Variants in IFT20 observed in about 807,000 individuals in gnomAD.
The protein encoded by IFT20 is intraflagellar transport protein 20 homolog.
IFT20 carries 4 observed loss-of-function variants against 16.9 expected under a neutral mutation model. The ratio of observed to expected loss-of-function variants is 0.24; its 90% confidence interval spans 0.12 to 0.54. The LOEUF (loss-of-function observed/expected upper bound fraction) is 0.54. Ranked by LOEUF, IFT20 falls within the 20% of genes least tolerant of loss-of-function variation. IFT20 has a pLI of 0.95. For missense variants in IFT20, 154 were observed against 149.7 expected (o/e 1.03, Z -0.15); for synonymous variants, 48 against 49.9 (o/e 0.96, Z 0.16).
At chr17:28,330,354 C>G in intron 3 of IFT20, 89 bp downstream of exon 3, 1 of 932,242 alleles carries the variant, frequency 1.1e-6, no homozygotes, top group South Asian at 1.3e-5. Context: ...CCCTCTACCC[C>G]TCTAAATAAA....
rs1597783652 is a variant in IFT20 at position 28,328,939 on chromosome 17, C to A, written c.318-206G>T. 6 of 617,684 alleles carry A rather than the reference C, an allele frequency of 9.7e-6. No individual in the cohort carries two copies. The South Asian group carries it at 1.3e-4, about 13-fold the overall frequency. 38.3% of individuals were successfully genotyped at this position (617,684 alleles called of 1,614,324 possible). ...AGTCTTCTTTCAGAGAGCCAGCCAA[C>A]TTCGTGGACCCTTTCATGCTCAAAC... is the stretch of plus-strand genomic sequence containing the variant. On this transcript the variant is annotated intron_variant, in intron 4 of 4. Coordinates refer to ENST00000395418, the MANE Select transcript of IFT20 (RefSeq NM_001267776.2).
At chr17:28,329,122 G>C in intron 4 of IFT20, 51 bp downstream of exon 4, 1 of 1,205,326 alleles carries the variant, frequency 8.3e-7, no homozygotes, top group Non-Finnish European at 1.2e-6. Context: ...CCAGAAGGAA[G>C]AGTGGAAATT....
At chr17:28,332,359 C>T (rs1906847391) in intron 1 of IFT20, 7 of 661,536 alleles carry the variant, frequency 1.1e-5, no homozygotes, top group Middle Eastern at 4.3e-4. Context: ...ACACGGTGCC[C>T]GCCCTGAAGA....
Position 28,328,943 on chromosome 17 carries a change from G to A in IFT20, c.318-210C>T, listed in dbSNP as rs146852364. On this transcript the variant is annotated intron_variant, in intron 4 of 4. Transcript: ENST00000395418. ...TTCTTTCAGAGAGCCAGCCAACTTC[G>A]TGGACCCTTTCATGCTCAAACTACT... is the stretch of plus-strand genomic sequence containing the variant. 1.2e-3 allele frequency: 727 copies of A among 617,238 alleles called. 7 individuals carry two copies. Among genetic ancestry groups the A allele is most frequent in the East Asian group, 0.012 (410 of 35,290 alleles). The allele number at this position is 617,238 out of a possible 1,614,324, so 38.2% of individuals were successfully genotyped here. A position where few individuals can be genotyped will look rare whatever the true frequency, so the allele number is the denominator to read the frequency against.
chr17:28,332,215 G>A, intron 1 of IFT20: 3 of 1,536,376 alleles, frequency 2.0e-6, no homozygotes, highest in Non-Finnish European at 2.6e-6. Context: ...AGGAGGAGGT[G>A]TGTCATAGGA....
At chr17:28,330,243 A>C (rs1226098318) in intron 3 of IFT20, 200 bp downstream of exon 3, 3 of 614,992 alleles carry the variant, frequency 4.9e-6, no homozygotes, top group East Asian at 2.8e-5. Context: ...CTCAAAAAAA[A>C]AAAAAAAATA....
At chr17:28,331,761 G>T in intron 2 of IFT20, 98 bp downstream of exon 2, 1 of 1,498,370 alleles carries the variant, frequency 6.7e-7, no homozygotes. Flanking sequence ...AACCTCCAGG[G>T]AGCCAGCAGC....
chr17:28,334,058 A>G lies in IFT20; in HGVS notation c.-3+1282T>C, dbSNP rs775090280. ...AACTTCCACCCCCTTCCCTGAGAGC[A>G]TGCATTTATTCAGAAACATCCACTC... On this transcript the variant is annotated intron_variant, in intron 1 of 4. Coordinates refer to ENST00000395418, the MANE Select transcript of IFT20 (RefSeq NM_001267776.2). Among the ~76,000 whole-genome samples, 78 of 152,364 alleles carry G rather than the reference A, an allele frequency of 5.1e-4. 1 individual carries two copies. Among genetic ancestry groups the G allele is most frequent in the Non-Finnish European group, 9.3e-4 (63 of 68,034 alleles).
At position 28,332,272 on chromosome 17, in the gene IFT20, G is replaced by A. The variant is rs1395067661; in HGVS notation, c.-2-285C>T. ...AGTCCGCTTGCTTGTCACAGGCATC[G>A]TTCATTCAACACACATTTCTTGAGT... is the stretch of plus-strand genomic sequence containing the variant. On this transcript the variant is annotated intron_variant, in intron 1 of 4. Transcript: ENST00000395418. The A allele has an allele frequency of 1.1e-5, 16 of 1,454,642 alleles. No individual in the cohort carries two copies. In the Middle Eastern group the frequency reaches 6.0e-4, roughly 54 times the overall value. 90.1% of individuals were successfully genotyped at this position (1,454,642 alleles called of 1,614,324 possible).
intron 3 of IFT20, 111 bp from the exon 4 acceptor site, chr17:28,329,387 G>C: frequency 1.2e-6 from 1 of 802,670 alleles, no homozygotes; most frequent in Non-Finnish European, 2.0e-6. Context: ...GAGAGGAAAA[G>C]AAAGTGGAGC....
At chr17:28,333,174 G>GC (rs1315575525) in intron 1 of IFT20, among the ~76,000 whole-genome samples, 3 of 151,190 alleles carry the variant, frequency 2.0e-5, no homozygotes, top group Non-Finnish European at 4.4e-5. Flanking sequence ...CTAGCAATTG[G>GC]CTGCTATGCC....
intron 2 of IFT20, among the ~76,000 whole-genome samples, chr17:28,331,147 A>C (rs753296418): frequency 5.9e-5 from 9 of 152,260 alleles, no homozygotes; most frequent in Admixed American, 1.3e-4. Context: ...AGCTCACAGC[A>C]TTAAGTGCCT....
In IFT20 at chr17:28,328,408, T is replaced by A. The variant is rs1275384717; in HGVS notation, c.*244A>T. On this transcript the variant is annotated 3_prime_UTR_variant, in exon 5 of 5. Coordinates refer to ENST00000395418, the MANE Select transcript of IFT20 (RefSeq NM_001267776.2). ...AAAAGGATGAAAGTTTACAAACTGC[T>A]TAGTTCCAACTAAGCATAAGAGGTG... The A allele has an allele frequency of 2.4e-6, 1 of 422,694 alleles. No homozygotes were observed. Among genetic ancestry groups the A allele is most frequent in the Non-Finnish European group, 4.2e-6 (1 of 238,594 alleles). 26.2% of individuals were successfully genotyped at this position (422,694 alleles called of 1,614,324 possible). A position where few individuals can be genotyped will look rare whatever the true frequency, so the allele number is the denominator to read the frequency against.
At chr17:28,330,196 A>C (rs781899317) in intron 3 of IFT20, 179 of 617,498 alleles carry the variant, frequency 2.9e-4, no homozygotes, top group Non-Finnish European at 3.9e-4. Flanking sequence ...AGATTGCACC[A>C]GTGCACTCCA....
chr17:28,330,321 T>G, intron 3 of IFT20, 122 bp downstream of exon 3: 1 of 713,094 alleles, frequency 1.4e-6, no homozygotes, highest in Non-Finnish European at 2.5e-6. Flanking sequence ...ATTAAAATCT[T>G]AAATAAAAAT....
chr17:28,328,871 G>A, intron 4 of IFT20, 138 bp from the exon 5 acceptor site: 1 of 694,892 alleles, frequency 1.4e-6, no homozygotes, highest in Non-Finnish European at 2.5e-6. Context: ...AAGAGGCAAA[G>A]CCCTACCCAG....
At chr17:28,329,370 G>A (rs1906576803) in intron 3 of IFT20, 94 bp from the exon 4 acceptor site, 3 of 951,392 alleles carry the variant, frequency 3.2e-6, no homozygotes, top group African/African-American at 1.6e-5. Context: ...AGCTGTGTCA[G>A]TCTTCAGAGA....
At chr17:28,330,613 A>C in intron 2 of IFT20, 85 bp from the exon 3 acceptor site, 2 of 886,516 alleles carry the variant, frequency 2.3e-6, no homozygotes. Flanking sequence ...GAGAGGGCAG[A>C]GCGGACTGCC....
chr17:28,330,663 C>T (rs781832804), intron 2 of IFT20, 135 bp from the exon 3 acceptor site: 14 of 644,618 alleles, frequency 2.2e-5, no homozygotes, highest in South Asian at 1.2e-4. Flanking sequence ...GTGGGCCAGG[C>T]GTGGTGGAGA....
Sources: gnomAD v4.1 joint callset for allele counts (sites outside exome capture counted in the v4.1 genomes callset) on GRCh38, gnomAD v4.1.1 for gene constraint, MANE v1.5 for transcripts, NCBI Gene and HGNC (gene_info 2026-07-23, HGNC 2026-07-21) for gene names.